CNTN6: variants seen among roughly 807,000 people sequenced by gnomAD.
CNTN6 encodes contactin-6.
Under a neutral mutation model 122.8 loss-of-function variants are expected in CNTN6, and 137 were observed. The ratio of observed to expected loss-of-function variants is 1.12; its 90% CI spans 0.97 to 1.29. The LOEUF (loss-of-function observed/expected upper bound fraction) is 1.29, where lower values mean the gene tolerates loss of function less well. Ranked by LOEUF, CNTN6 falls within the 50% of genes most tolerant of loss-of-function variation. CNTN6 has a pLI of 0.00. For synonymous variants in CNTN6, 570 were observed against 426.0 expected (o/e 1.34, Z -4.16); for missense variants, 1,634 against 1,223.4 (o/e 1.34, Z -5.01).
intron 6 of CNTN6, among the ~76,000 whole-genome samples, chr3:1,296,213 C>CTT (rs1433658001): frequency 6.6e-6 from 1 of 151,966 alleles, no homozygotes; most frequent in African/African-American, 2.4e-5. Context: ...CATATTTGCC[C>CTT]TTTTTTTGTT....
chr3:1,269,198 A>C (rs2094980777), intron 4 of CNTN6, among the ~76,000 whole-genome samples: 1 of 152,170 alleles, frequency 6.6e-6, no homozygotes, highest in Admixed American at 6.5e-5. Flanking sequence ...AAACTGAGGT[A>C]GAAAGATACT....
chr3:1,277,624 G>A (rs1313034280), intron 4 of CNTN6, among the ~76,000 whole-genome samples: 2 of 152,086 alleles, frequency 1.3e-5, no homozygotes, highest in African/African-American at 4.8e-5. Flanking sequence ...GCCTCCCAAA[G>A]TGCTGGGATT....
At chr3:1,253,038 A>G (rs902718082) in intron 4 of CNTN6, among the ~76,000 whole-genome samples, 16 of 152,192 alleles carry the variant, frequency 1.1e-4, no homozygotes, top group Admixed American at 3.3e-4. Context: ...AGAGACAGGT[A>G]GAGTCCTATG....
chr3:1,267,183 C>T (rs1053032843), intron 4 of CNTN6, among the ~76,000 whole-genome samples: 2 of 152,042 alleles, frequency 1.3e-5, no homozygotes, highest in African/African-American at 4.8e-5. Context: ...ACTCTGTTTG[C>T]TTGCTCTTGG....
At chr3:1,337,860 CT>C (rs1462563756) in intron 11 of CNTN6, among the ~76,000 whole-genome samples, 1 of 152,102 alleles carries the variant, frequency 6.6e-6, no homozygotes, top group Non-Finnish European at 1.5e-5. Context: ...GTGTGTGCCC[CT>C]GTCAGTCTTG....
chr3:1,219,663 G>T (rs1405170707), intron 2 of CNTN6, among the ~76,000 whole-genome samples: 1 of 152,136 alleles, frequency 6.6e-6, no homozygotes, highest in Non-Finnish European at 1.5e-5. Flanking sequence ...AGGTGTTAAA[G>T]TCAGGGAAAT....
intron 1 of CNTN6, among the ~76,000 whole-genome samples, chr3:1,115,297 A>G (rs1328611379): frequency 3.3e-5 from 5 of 152,204 alleles, no homozygotes; most frequent in African/African-American, 1.2e-4. Flanking sequence ...ATGTATTGCT[A>G]GGGTTATCAC....
chr3:1,329,763 T>C, intron 10 of CNTN6, 22 bp from the exon 11 acceptor site: 1 of 1,597,080 alleles, frequency 6.3e-7, no homozygotes, highest in East Asian at 2.2e-5. Flanking sequence ...TTAAACAATT[T>C]TGTCTTTGAT....
chr3:1,302,046 A>C (rs1040312589), intron 7 of CNTN6, among the ~76,000 whole-genome samples: 1 of 152,178 alleles, frequency 6.6e-6, no homozygotes, highest in African/African-American at 2.4e-5. Flanking sequence ...AAGGCGACAC[A>C]CTCACTAGAA....
chr3:1,141,622 T>G (rs2092610089), intron 1 of CNTN6, among the ~76,000 whole-genome samples: 1 of 152,140 alleles, frequency 6.6e-6, no homozygotes, highest in African/African-American at 2.4e-5. Flanking sequence ...AAAGGTATAA[T>G]TTGTAATTGA....
At chr3:1,226,015 G>A (rs1041716092) in intron 3 of CNTN6, among the ~76,000 whole-genome samples, 2 of 152,050 alleles carry the variant, frequency 1.3e-5, no homozygotes, top group Non-Finnish European at 1.5e-5. Flanking sequence ...GTTTGAAGAC[G>A]CGCCCGAAGA....
chr3:1,306,885 T>G (rs1698446879), intron 7 of CNTN6, among the ~76,000 whole-genome samples: 1 of 152,230 alleles, frequency 6.6e-6, no homozygotes, highest in African/African-American at 2.4e-5. Context: ...TTTATCATTT[T>G]AAATTCTGTT....
chr3:1,176,447 T>C (rs2093450121), intron 2 of CNTN6, among the ~76,000 whole-genome samples: 1 of 152,148 alleles, frequency 6.6e-6, no homozygotes, highest in Non-Finnish European at 1.5e-5. Flanking sequence ...GGCTGTTTGA[T>C]TCAACCTGGT....
intron 3 of CNTN6, among the ~76,000 whole-genome samples, chr3:1,225,964 T>C (rs2094277364): frequency 6.6e-6 from 1 of 152,216 alleles, no homozygotes; most frequent in African/African-American, 2.4e-5. Flanking sequence ...CATATTTCTT[T>C]TCTACTTTGG....
chr3:1,300,110 G>A (rs1241651601), intron 7 of CNTN6, among the ~76,000 whole-genome samples: 1 of 151,922 alleles, frequency 6.6e-6, no homozygotes, highest in Non-Finnish European at 1.5e-5. Context: ...CCAAGTAGCT[G>A]GGACTACAGG....
chr3:1,307,838 G>A lies in CNTN6; in HGVS notation c.761+9847G>A, dbSNP rs1387658884. Among the ~76,000 whole-genome samples the A allele has an allele frequency of 3.9e-5, 6 of 152,180 alleles. No individual in the cohort carries two copies. In the South Asian group the frequency reaches 6.2e-4, roughly 16 times the overall value. ...TGGAGAGGAAGAACATAAAGGTAAGGAACAATTTTCATTACATATCAAGGT... is the reference window on the plus strand; with the variant it reads ...TGGAGAGGAAGAACATAAAGGTAAGAAACAATTTTCATTACATATCAAGGT... On this transcript the variant is annotated intron_variant, in intron 7 of 22. Coordinates refer to ENST00000446702, the MANE Select transcript of CNTN6 (RefSeq NM_001289080.2).
At chr3:1,246,308 A>T (rs1212881778) in intron 4 of CNTN6, among the ~76,000 whole-genome samples, 1 of 152,140 alleles carries the variant, frequency 6.6e-6, no homozygotes, top group Non-Finnish European at 1.5e-5. Context: ...TATATAATAT[A>T]TTGCTTCAAG....
chr3:1,094,631 A>C (rs1330727843), intron 1 of CNTN6, among the ~76,000 whole-genome samples: 1 of 152,092 alleles, frequency 6.6e-6, no homozygotes, highest in Non-Finnish European at 1.5e-5. Flanking sequence ...AGCTTTCCTT[A>C]ATGAAAACAA....
chr3:1,305,436 C>G (rs1237012280), intron 7 of CNTN6, among the ~76,000 whole-genome samples: 2 of 152,150 alleles, frequency 1.3e-5, no homozygotes, highest in African/African-American at 2.4e-5. Context: ...TCAGCTTTGT[C>G]TCATTTGTTT....
Sources: allele counts gnomAD v4.1 joint callset (sites outside exome capture counted in the v4.1 genomes callset), GRCh38; gene constraint gnomAD v4.1.1; transcripts MANE v1.5; gene names NCBI Gene and HGNC (gene_info 2026-07-23, HGNC 2026-07-21).